Variants in PCDH9 observed in about 807,000 individuals in gnomAD.
PCDH9 encodes protocadherin-9.
In PCDH9, 24 loss-of-function variants were observed where a neutral mutation model predicts 70.6. The ratio of observed to expected loss-of-function variants is 0.34; its 90% CI spans 0.25 to 0.48. PCDH9 has a LOEUF of 0.48. PCDH9 is among the 20% of genes least tolerant of loss of function. PCDH9 has a pLI of 0.99. For synonymous variants in PCDH9, 562 were observed against 558.5 expected, an observed-to-expected ratio of 1.01 and a Z score of -0.09; for missense variants, 1,281 against 1,503.6, an observed-to-expected ratio of 0.85 and a Z score of 2.45.
intron 3 of PCDH9, among the ~76,000 whole-genome samples, chr13:66,819,839 T>G (rs957181844): frequency 6.6e-6 from 1 of 152,144 alleles, no homozygotes; most frequent in Non-Finnish European, 1.5e-5. Flanking sequence ...CATGCTACAG[T>G]GAGCAGTGAT....
chr13:67,083,407 G>T (rs1373605922), intron 2 of PCDH9, among the ~76,000 whole-genome samples: 3 of 151,920 alleles, frequency 2.0e-5, no homozygotes, highest in Non-Finnish European at 4.4e-5. Context: ...TTATGTCACT[G>T]GCATTAAGAA....
intron 3 of PCDH9, among the ~76,000 whole-genome samples, chr13:66,746,501 G>C (rs1457171433): frequency 1.3e-5 from 2 of 152,140 alleles, no homozygotes; most frequent in Middle Eastern, 3.4e-3. Flanking sequence ...CTACAATAAA[G>C]AGAGAAAGAA....
chr13:66,706,803 A>G (rs962095980), intron 3 of PCDH9, among the ~76,000 whole-genome samples: 2 of 152,198 alleles, frequency 1.3e-5, no homozygotes, highest in African/African-American at 4.8e-5. Flanking sequence ...CAGGGCAAGG[A>G]GTAAAAAGAG....
At chr13:66,822,371 C>G (rs1233200641) in intron 3 of PCDH9, among the ~76,000 whole-genome samples, 1 of 151,656 alleles carries the variant, frequency 6.6e-6, no homozygotes, top group Non-Finnish European at 1.5e-5. Flanking sequence ...ATATTGATAC[C>G]AAAGTATGAA....
intron 2 of PCDH9, chr13:67,224,878 C>A: frequency 2.0e-6 from 2 of 982,730 alleles, no homozygotes; most frequent in South Asian, 4.7e-5. Context: ...TATCAACGAT[C>A]ATGTGCTTCA....
At chr13:66,487,833 A>G (rs1327535055) in intron 4 of PCDH9, among the ~76,000 whole-genome samples, 6 of 152,170 alleles carry the variant, frequency 3.9e-5, no homozygotes, top group Non-Finnish European at 7.4e-5. Context: ...TGCAATGAAG[A>G]CTAAGCACCT....
At chr13:67,141,456 T>C (rs2087386296) in intron 2 of PCDH9, among the ~76,000 whole-genome samples, 1 of 151,966 alleles carries the variant, frequency 6.6e-6, no homozygotes, top group Admixed American at 6.6e-5. Flanking sequence ...TTATTATTAT[T>C]TTTAGATGGA....
At chr13:66,548,536 G>A (rs1961323661) in intron 4 of PCDH9, among the ~76,000 whole-genome samples, 1 of 151,980 alleles carries the variant, frequency 6.6e-6, no homozygotes, top group Non-Finnish European at 1.5e-5. Flanking sequence ...CTGCACTACA[G>A]CCTGGGTGAC....
At chr13:66,360,787 AT>A (rs201935655) in intron 4 of PCDH9, among the ~76,000 whole-genome samples, 16 of 151,574 alleles carry the variant, frequency 1.1e-4, no homozygotes, top group African/African-American at 1.4e-4. Context: ...TTAAGTGAAG[AT>A]TTTTTTTTAA....
intron 2 of PCDH9, among the ~76,000 whole-genome samples, chr13:67,161,854 T>C (rs2225201): frequency 0.66 from 99,798 of 152,028 alleles, 34,402 homozygotes; most frequent in Non-Finnish European, 0.77. Flanking sequence ...GATATTATAA[T>C]AGTAGCAACG....
intron 4 of PCDH9, among the ~76,000 whole-genome samples, chr13:66,555,151 A>T (rs1193871424): frequency 6.6e-6 from 1 of 152,148 alleles, no homozygotes; most frequent in African/African-American, 2.4e-5. Context: ...CCTGGGCAAC[A>T]AGAGTGAAAC....
intron 4 of PCDH9, among the ~76,000 whole-genome samples, chr13:66,511,960 A>C (rs935984941): frequency 6.6e-6 from 1 of 152,138 alleles, no homozygotes; most frequent in African/African-American, 2.4e-5. Context: ...AGAACAGCCT[A>C]ATAAAATAAC....
chr13:66,831,937 T>C (rs548025076), intron 3 of PCDH9, among the ~76,000 whole-genome samples: 1 of 152,276 alleles, frequency 6.6e-6, no homozygotes, highest in South Asian at 2.1e-4. Flanking sequence ...TAATTCCTTA[T>C]AAATCATTTT....
chr13:66,477,976 A>AT (rs903188756), intron 4 of PCDH9, among the ~76,000 whole-genome samples: 3 of 152,092 alleles, frequency 2.0e-5, no homozygotes, highest in Admixed American at 6.6e-5. Flanking sequence ...CAGATGCTAC[A>AT]TTTTTTACAA....
chr13:66,309,694 A>G (rs1052228442), intron 4 of PCDH9, among the ~76,000 whole-genome samples: 1 of 151,752 alleles, frequency 6.6e-6, no homozygotes, highest in African/African-American at 2.4e-5. Context: ...TTGATGAATA[A>G]TATTTGTTTT....
intron 4 of PCDH9, among the ~76,000 whole-genome samples, chr13:66,454,059 C>A (rs974304088): frequency 4.6e-5 from 7 of 151,798 alleles, no homozygotes; most frequent in African/African-American, 1.7e-4. Context: ...TGTTGTTGTT[C>A]TTTCTTATAA....
At chr13:66,873,615 C>T (rs1446443279) in intron 3 of PCDH9, among the ~76,000 whole-genome samples, 1 of 152,068 alleles carries the variant, frequency 6.6e-6, no homozygotes, top group Non-Finnish European at 1.5e-5. Context: ...ACTATACTTC[C>T]TCAAGATGAT....
At chr13:66,998,937 A>G (rs1402171100) in intron 2 of PCDH9, among the ~76,000 whole-genome samples, 1 of 152,242 alleles carries the variant, frequency 6.6e-6, no homozygotes, top group Non-Finnish European at 1.5e-5. Context: ...GAGCAACAAA[A>G]TACTTCAGTC....
At chr13:67,225,260 G>A in intron 2 of PCDH9, 145 bp downstream of exon 2, 1 of 1,275,674 alleles carries the variant, frequency 7.8e-7, no homozygotes, top group East Asian at 2.5e-5. Flanking sequence ...GAGCCCCAGA[G>A]GAATAGAAAA....
Sources: allele counts gnomAD v4.1 joint callset (sites outside exome capture counted in the v4.1 genomes callset), GRCh38; gene constraint gnomAD v4.1.1; transcripts MANE v1.5; gene names NCBI Gene and HGNC (gene_info 2026-07-23, HGNC 2026-07-21).